Variants in RGL1 observed in about 807,000 individuals in gnomAD.
The protein encoded by RGL1 is ral guanine nucleotide dissociation stimulator-like 1.
Under a neutral mutation model 95.2 loss-of-function variants are expected in RGL1, and 24 were observed. The observed-to-expected ratio is 0.25, with a 90% CI of 0.18 to 0.35. The LOEUF (loss-of-function observed/expected upper bound fraction) is 0.35. Among genes scored for constraint, RGL1 ranks in the 10% least tolerant of loss-of-function variants. The probability of loss-of-function intolerance (pLI) is 1.00; values close to 1 mark genes in which losing one functional copy is unlikely to be tolerated. For missense variants in RGL1, 715 were observed against 936.3 expected (o/e 0.76, Z 3.08); for synonymous variants, 329 against 344.9 (o/e 0.95, Z 0.51).
intron 17 of RGL1, 70 bp downstream of exon 17, chr1:183,922,406 G>A (rs554717073): frequency 3.1e-5 from 35 of 1,122,680 alleles, no homozygotes; most frequent in East Asian, 2.0e-4. Context: ...ACAGTGCTCC[G>A]CGTTTAGAAG....
At chr1:183,891,748 T>G (rs867253321) in intron 8 of RGL1, among the ~76,000 whole-genome samples, 20 of 116,596 alleles carry the variant, frequency 1.7e-4, no homozygotes, top group African/African-American at 6.0e-4. Flanking sequence ...TTTTTTTTTT[T>G]TTTTTTTTTT....
At chr1:183,645,747 A>G (rs1650246899) in intron 1 of RGL1, among the ~76,000 whole-genome samples, 1 of 152,220 alleles carries the variant, frequency 6.6e-6, no homozygotes, top group Non-Finnish European at 1.5e-5. Context: ...TTAAAGATGA[A>G]CTAGCCCACA....
intron 2 of RGL1, among the ~76,000 whole-genome samples, chr1:183,793,292 G>A (rs1660525186): frequency 6.6e-6 from 1 of 152,036 alleles, no homozygotes; most frequent in Non-Finnish European, 1.5e-5. Context: ...AACTTCAAAT[G>A]GATTAAAGAC....
At chr1:183,846,600 C>A (rs1664457733) in intron 2 of RGL1, among the ~76,000 whole-genome samples, 1 of 151,770 alleles carries the variant, frequency 6.6e-6, no homozygotes, top group Non-Finnish European at 1.5e-5. Context: ...ATGAGTTTGT[C>A]CAGGTGCAGT....
At chr1:183,849,535 G>A (rs1664694645) in intron 3 of RGL1, among the ~76,000 whole-genome samples, 2 of 120,876 alleles carry the variant, frequency 1.7e-5, no homozygotes, top group Admixed American at 2.4e-4. Flanking sequence ...TCTGTCTCCA[G>A]GCTGGAGTGC....
chr1:183,882,160 G>T (rs908755807), intron 5 of RGL1, among the ~76,000 whole-genome samples: 1 of 152,250 alleles, frequency 6.6e-6, no homozygotes, highest in African/African-American at 2.4e-5. Flanking sequence ...CGTGCTTCAT[G>T]TTGTTACTTA....
intron 2 of RGL1, among the ~76,000 whole-genome samples, chr1:183,750,181 C>T (rs557238311): frequency 2.6e-5 from 4 of 152,324 alleles, no homozygotes; most frequent in South Asian, 4.1e-4. Context: ...TTCTCCCCAT[C>T]GCTTTCAGGT....
intron 2 of RGL1, among the ~76,000 whole-genome samples, chr1:183,797,151 G>A (rs373638108): frequency 3.9e-5 from 6 of 152,008 alleles, no homozygotes; most frequent in South Asian, 2.1e-4. Context: ...CCAACATGGC[G>A]AAACCCCGTC....
intron 1 of RGL1, among the ~76,000 whole-genome samples, chr1:183,719,312 A>G (rs188494531): frequency 6.6e-6 from 1 of 152,356 alleles, no homozygotes; most frequent in Admixed American, 6.5e-5. Context: ...CACCTTGACT[A>G]CAGTGTGGTC....
chr1:183,727,985 T>C (rs1656407620), intron 1 of RGL1, among the ~76,000 whole-genome samples: 1 of 152,150 alleles, frequency 6.6e-6, no homozygotes, highest in Admixed American at 6.6e-5. Flanking sequence ...AACATTTGAA[T>C]GGGTAGACTG....
intron 2 of RGL1, among the ~76,000 whole-genome samples, chr1:183,833,855 A>G (rs1223887804): frequency 6.6e-6 from 1 of 151,954 alleles, no homozygotes; most frequent in Non-Finnish European, 1.5e-5. Context: ...TAATGGCCCT[A>G]CCTGCAGTTA....
At chr1:183,772,732 G>T (rs1049657322) in intron 2 of RGL1, among the ~76,000 whole-genome samples, 1 of 152,048 alleles carries the variant, frequency 6.6e-6, no homozygotes, top group Non-Finnish European at 1.5e-5. Flanking sequence ...ACTCTGGGCC[G>T]GGCGCGGTGG....
At chr1:183,806,334 A>G in intron 1 of RGL1, 41 bp from the exon 2 acceptor site, 1 of 1,550,202 alleles carries the variant, frequency 6.5e-7, no homozygotes, top group African/African-American at 1.4e-5. Context: ...CAGAGAGGAA[A>G]AAAATACTCT....
chr1:183,816,555 C>T (rs1400662698), intron 2 of RGL1, among the ~76,000 whole-genome samples: 3 of 152,122 alleles, frequency 2.0e-5, no homozygotes, highest in African/African-American at 2.4e-5. Flanking sequence ...TGTGAAATGG[C>T]GTTAATATCT....
chr1:183,865,997 T>C lies in RGL1; in HGVS notation c.349T>C (p.Tyr117His), dbSNP rs1251164497. The stretch of plus-strand genomic sequence containing the variant: ...GCTTGTTCATTATTATCTCTACAGG[T>C]ATGGAAACCTGACAAGCCCAAACTG... ...KEVLELLLDR[Y>H]GNLTSPNCEE... Residue 117 changes from tyrosine (Y) to histidine (H), a missense_variant and splice_region_variant, in exon 4 of 18, where the codon TAT becomes CAT. Tyr to His is a moderately conservative substitution (Grantham distance 83). Transcript: ENST00000360851. 7 of 1,612,154 alleles carry C rather than the reference T, an allele frequency of 4.3e-6. No homozygotes were observed. The highest frequency in any genetic ancestry group is 5.9e-6 in the Non-Finnish European group (7 of 1,178,290).
chr1:183,832,883 G>C (rs1473092460), intron 2 of RGL1, among the ~76,000 whole-genome samples: 1 of 152,188 alleles, frequency 6.6e-6, no homozygotes, highest in African/African-American at 2.4e-5. Context: ...CAGAGTTTCA[G>C]GCGGGAATCA....
At chr1:183,647,767 C>T in intron 1 of RGL1, 1 of 1,614,144 alleles carries the variant, frequency 6.2e-7, no homozygotes, top group Admixed American at 1.7e-5. Flanking sequence ...ACTGACCTTC[C>T]AGTGGGAAGC....
intron 1 of RGL1, among the ~76,000 whole-genome samples, chr1:183,645,636 T>C (rs1251872694): frequency 6.6e-6 from 1 of 152,232 alleles, no homozygotes; most frequent in Non-Finnish European, 1.5e-5. Flanking sequence ...AATCACTGCG[T>C]AGTGAGCAAG....
At chr1:183,727,568 C>T (rs1656382934) in intron 1 of RGL1, among the ~76,000 whole-genome samples, 1 of 152,176 alleles carries the variant, frequency 6.6e-6, no homozygotes, top group East Asian at 1.9e-4. Context: ...ACTCTCTCCA[C>T]TTTTCAACAT....
Sources: gnomAD v4.1 joint callset for allele counts (sites outside exome capture counted in the v4.1 genomes callset) on GRCh38, gnomAD v4.1.1 for gene constraint, MANE v1.5 for transcripts, NCBI Gene and HGNC (gene_info 2026-07-23, HGNC 2026-07-21) for gene names.